FOLR3: variants seen among roughly 807,000 people sequenced by gnomAD.
The protein encoded by FOLR3 is folate receptor 3 (gamma).
A neutral mutation model predicts 20.0 loss-of-function variants in FOLR3; 9 were observed. The observed-to-expected ratio is 0.45, with a 90% CI of 0.27 to 0.79. The LOEUF (loss-of-function observed/expected upper bound fraction) is 0.79. Ranked by LOEUF, FOLR3 falls within the 30% of genes least tolerant of loss-of-function variation. The probability of loss-of-function intolerance (pLI) is 0.15; values close to 1 mark genes in which losing one functional copy is unlikely to be tolerated. For synonymous variants in FOLR3, 124 were observed against 115.5 expected, an observed-to-expected ratio of 1.07 and a Z score of -0.47; for missense variants, 309 against 323.5, an observed-to-expected ratio of 0.96 and a Z score of 0.34.
At chr11:72,136,224 A>T in intron 2 of FOLR3, 104 bp downstream of exon 2, 1 of 1,420,744 alleles carries the variant, frequency 7.0e-7, no homozygotes, top group Non-Finnish European at 9.8e-7. Context: ...CGCTGCTGAC[A>T]AGGAAGGGGA....
rs146299137 is a variant in FOLR3, at chr11:72,139,150, G to C, written c.357+1G>C. The C allele has an allele frequency of 6.2e-7, 1 of 1,611,430 alleles. No individual in the cohort carries two copies. The highest frequency in any genetic ancestry group is 8.5e-7 in the Non-Finnish European group (1 of 1,178,472). On this transcript the variant is annotated splice_donor_variant, in intron 3 of 4. Transcript: ENST00000611028. LOFTEE classifies it high-confidence loss of function. ...CAACCTGGGGCCCTGGATCCGGCAG[G>C]TATGAGTGCTGTTCCCACAAACATT... is the stretch of plus-strand genomic sequence containing the variant.
chr11:72,139,118 G>C lies in FOLR3; in HGVS notation c.326G>C (p.Cys109Ser), dbSNP rs1399357241. 1 of 1,613,596 alleles carries C rather than the reference G, an allele frequency of 6.2e-7. No homozygotes were observed. Among genetic ancestry groups the C allele is most frequent in the Non-Finnish European group, 8.5e-7 (1 of 1,179,706 alleles). ...ATCCAGGACAGCTGTCTCTATGAGT[G>C]CTCACCCAACCTGGGGCCCTGGATC... ...HFIQDSCLYE[C>S]SPNLGPWIRQ... is the part of the protein sequence containing the mutation. The change falls in exon 3 of 5, where the codon TGC (cysteine) becomes TCC (serine). Residue 109 changes from cysteine to serine, a missense_variant. Transcript: ENST00000611028.
intron 2 of FOLR3, among the ~76,000 whole-genome samples, chr11:72,138,475 T>C (rs1947768689): frequency 6.6e-6 from 1 of 152,152 alleles, no homozygotes; most frequent in East Asian, 1.9e-4. Context: ...CTATATCCCG[T>C]GGATTACCCT....
chr11:72,139,857 T>G lies in FOLR3; in HGVS notation c.*26T>G. On this transcript the variant is annotated 3_prime_UTR_variant, in exon 5 of 5. Coordinates refer to ENST00000611028, the MANE Select transcript of FOLR3 (RefSeq NM_000804.4). ...TCCAAGAAGGGTCCTCTGGGGTTCT[T>G]CCAACAACCTATTCTAATAGACAAA... is the stretch of plus-strand genomic sequence containing the variant. The G allele has an allele frequency of 6.2e-7, 1 of 1,611,220 alleles. No homozygotes were observed. The highest frequency in any genetic ancestry group is 8.5e-7 in the Non-Finnish European group (1 of 1,177,930).
Position 72,139,403 on chromosome 11 carries a change from C to T in FOLR3, c.414C>T (p.Asp138=), listed in dbSNP as rs1320831845. 5.6e-6 allele frequency: 9 copies of T among 1,611,970 alleles called. No homozygotes were observed. The highest frequency in any genetic ancestry group is 1.7e-4 in the Middle Eastern group (1 of 6,060). ...RILNVPLCKE[D]CERWWEDCRT... ...TGAACGTGCCCCTGTGCAAAGAGGA[C>T]TGTGAGCGCTGGTGGGAGGACTGTC... Residue 138 remains aspartate, a synonymous_variant, in exon 4 of 5, where the codon GAC becomes GAT. Transcript: ENST00000611028.
intron 4 of FOLR3, 47 bp from the exon 5 acceptor site, chr11:72,139,540 G>A (rs764590907): frequency 3.7e-6 from 6 of 1,612,968 alleles, no homozygotes; most frequent in Non-Finnish European, 4.2e-6. Flanking sequence ...GTTGGGAGGG[G>A]TGCGGTCTGG....
chr11:72,138,721 A>C (rs1947771571), intron 2 of FOLR3: 7 of 554,198 alleles, frequency 1.3e-5, no homozygotes, highest in Non-Finnish European at 2.3e-5. Flanking sequence ...GCAGTGAGCT[A>C]TGATCACACC....
At position 72,136,214 on chromosome 11, in the gene FOLR3, C is replaced by G. The variant is rs1017310429; in HGVS notation, c.168+94C>G. ...CCAGTGTGGTCAGAACCAAGGGTGC[C>G]GCTGCTGACAAGGAAGGGGAGGGGC... is the stretch of plus-strand genomic sequence containing the variant. On this transcript the variant is annotated intron_variant, in intron 2 of 4. Coordinates refer to ENST00000611028, the MANE Select transcript of FOLR3 (RefSeq NM_000804.4). 1.5e-5 allele frequency: 22 copies of G among 1,467,694 alleles called. No homozygotes were observed. In the Admixed American group the frequency reaches 3.0e-4, roughly 20 times the overall value. The allele number at this position is 1,467,694 out of a possible 1,614,324, so 90.9% of individuals were successfully genotyped here. A position where few individuals can be genotyped will look rare whatever the true frequency, so the allele number is the denominator to read the frequency against.
chr11:72,135,729 C>A lies in FOLR3; in HGVS notation c.-46C>A. Reference sequence around the variant, plus strand: ...GTCACAGAGCAAGCTGGTGTCAGAGCCTGGACCTACAGCGCTGTTGGTGGA... The same window carrying A: ...GTCACAGAGCAAGCTGGTGTCAGAGACTGGACCTACAGCGCTGTTGGTGGA... On this transcript the variant is annotated 5_prime_UTR_variant, in exon 1 of 5. Coordinates refer to ENST00000611028, the MANE Select transcript of FOLR3 (RefSeq NM_000804.4). The A allele has an allele frequency of 1.7e-6, 1 of 586,712 alleles. No homozygotes were observed. 36.3% of individuals were successfully genotyped at this position (586,712 alleles called of 1,614,324 possible). A position where few individuals can be genotyped will look rare whatever the true frequency, so the allele number is the denominator to read the frequency against.
intron 2 of FOLR3, among the ~76,000 whole-genome samples, chr11:72,138,088 C>G (rs547269012): frequency 3.9e-5 from 6 of 152,066 alleles, no homozygotes; most frequent in African/African-American, 1.4e-4. Flanking sequence ...TGAAATAGGC[C>G]GAACGCGGTG....
intron 2 of FOLR3, 27 bp downstream of exon 2, chr11:72,136,147 A>C: frequency 6.2e-7 from 1 of 1,612,968 alleles, no homozygotes; most frequent in Non-Finnish European, 8.5e-7. Context: ...GTAGGACAGC[A>C]TGCACACAGG....
At chr11:72,137,446 C>G (rs866241170) in intron 2 of FOLR3, among the ~76,000 whole-genome samples, 4 of 151,982 alleles carry the variant, frequency 2.6e-5, no homozygotes, top group African/African-American at 9.7e-5. Context: ...CACCCTCCCC[C>G]ACAACCTGGG....
chr11:72,139,619 AG>A lies in FOLR3; in HGVS notation c.527del (p.Ser176ThrfsTer58). 6.2e-7 allele frequency: 1 copy of A among 1,613,624 alleles called. No individual in the cohort carries two copies. The highest frequency in any genetic ancestry group is 8.5e-7 in the Non-Finnish European group (1 of 1,179,878). On this transcript the variant is annotated frameshift_variant, in exon 5 of 5. Coordinates refer to ENST00000611028, the MANE Select transcript of FOLR3 (RefSeq NM_000804.4). LOFTEE classifies it low-confidence loss of function (END_TRUNC). The stretch of plus-strand genomic sequence containing the variant: ...TGAGTGTCCGGCCGGGGCCCTCTGC[AG>A]CACCTTTGAGTCCTACTTCCCCACT... ...INECPAGALC[S>X]TFESYFPTPA...
rs374117762 is a variant in FOLR3, at chr11:72,137,737, G to A, written c.169-1224G>A. Among the ~76,000 whole-genome samples, 4 of 152,034 alleles carry A rather than the reference G, an allele frequency of 2.6e-5. No homozygotes were observed. The East Asian group carries it at 5.8e-4, about 22-fold the overall frequency. On this transcript the variant is annotated intron_variant, in intron 2 of 4. Coordinates refer to ENST00000611028, the MANE Select transcript of FOLR3 (RefSeq NM_000804.4). ...TCGAACTTCTAACCTCAGGTGATCC[G>A]CCCGCCTCCTTAAATCTTAACCTCA...
At chr11:72,137,647 G>A (rs867500133) in intron 2 of FOLR3, among the ~76,000 whole-genome samples, 3 of 151,888 alleles carry the variant, frequency 2.0e-5, no homozygotes, top group Non-Finnish European at 4.4e-5. Flanking sequence ...GCCTACCACT[G>A]TGCCTGGCTA....
At chr11:72,136,221 G>A (rs1264910244) in intron 2 of FOLR3, 101 bp downstream of exon 2, 5 of 1,434,966 alleles carry the variant, frequency 3.5e-6, no homozygotes, top group East Asian at 2.3e-5. Flanking sequence ...TGCCGCTGCT[G>A]ACAAGGAAGG....
intron 2 of FOLR3, among the ~76,000 whole-genome samples, chr11:72,136,336 A>G (rs1177699058): frequency 6.6e-6 from 1 of 151,924 alleles, no homozygotes; most frequent in Non-Finnish European, 1.5e-5. Context: ...CTTGTATTTC[A>G]TTCCTCTGGT....
At position 72,135,835 on chromosome 11, in the gene FOLR3, A is replaced by T. The variant is rs545660349; in HGVS notation, c.-7+67A>T. 1.7e-5 allele frequency: 19 copies of T among 1,137,898 alleles called. No individual in the cohort carries two copies. In the East Asian group the frequency reaches 4.5e-4, roughly 27 times the overall value. 70.5% of individuals were successfully genotyped at this position (1,137,898 alleles called of 1,614,324 possible). Reference sequence around the variant, plus strand: ...TCTTGGCTCAGCTGCCCTGTAGGGGATGCAGGGTGGGGACAGCAGAGATCT... The same window carrying T: ...TCTTGGCTCAGCTGCCCTGTAGGGGTTGCAGGGTGGGGACAGCAGAGATCT... On this transcript the variant is annotated intron_variant, in intron 1 of 4. Transcript: ENST00000611028.
Position 72,139,371 on chromosome 11 carries a change from C to T in FOLR3, c.382C>T (p.Arg128Cys), listed in dbSNP as rs765420568. 8.7e-6 allele frequency: 14 copies of T among 1,611,756 alleles called. No individual in the cohort carries two copies. Among genetic ancestry groups the T allele is most frequent in the South Asian group, 4.4e-5 (4 of 90,794 alleles). The part of the protein sequence containing the change: ...RQVNQSWRKE[R>C]ILNVPLCKED... Reference sequence around the variant, plus strand: ...GGTCAACCAGAGCTGGCGCAAAGAGCGCATTCTGAACGTGCCCCTGTGCAA... The same window carrying T: ...GGTCAACCAGAGCTGGCGCAAAGAGTGCATTCTGAACGTGCCCCTGTGCAA... Residue 128 changes from arginine to cysteine, a missense_variant, in exon 4 of 5, where the codon CGC (arginine) becomes TGC (cysteine). Coordinates refer to ENST00000611028, the MANE Select transcript of FOLR3 (RefSeq NM_000804.4).
Sources: gnomAD v4.1 joint callset for allele counts (sites outside exome capture counted in the v4.1 genomes callset) on GRCh38, gnomAD v4.1.1 for gene constraint, MANE v1.5 for transcripts, NCBI Gene and HGNC (gene_info 2026-07-23, HGNC 2026-07-21) for gene names.